MPP3: variants seen among roughly 807,000 people sequenced by gnomAD.
MPP3 encodes the protein MAGUK p55 subfamily member 3.
MPP3 carries 48 observed loss-of-function variants against 80.7 expected under a neutral mutation model. The ratio of observed to expected loss-of-function variants is 0.59; its 90% CI spans 0.47 to 0.76. The LOEUF (loss-of-function observed/expected upper bound fraction) is 0.76. Among genes scored for constraint, MPP3 ranks in the 30% least tolerant of loss-of-function variants. The pLI is 0.00. For synonymous variants in MPP3, 311 were observed against 297.6 expected, an observed-to-expected ratio of 1.04 and a Z score of -0.46; for missense variants, 620 against 763.0, an observed-to-expected ratio of 0.81 and a Z score of 2.21.
chr17:43,827,940 G>A (rs1229539476), intron 7 of MPP3, 108 bp from the exon 8 acceptor site: 13 of 1,029,962 alleles, frequency 1.3e-5, no homozygotes. Context: ...TGACAGTCCA[G>A]AGAGATCAGT....
At chr17:43,823,834 A>C (rs2045572071) in intron 10 of MPP3, 97 bp downstream of exon 10, 4 of 836,894 alleles carry the variant, frequency 4.8e-6, no homozygotes. Context: ...TCTGTTCGCA[A>C]ATGACTGTTA....
chr17:43,816,059 A>T lies in MPP3; in HGVS notation c.988T>A (p.Tyr330Asn), dbSNP rs1303707145. The T allele has an allele frequency of 6.6e-7, 1 of 1,507,736 alleles. No individual in the cohort carries two copies. Among genetic ancestry groups the T allele is most frequent in the Admixed American group, 2.6e-5 (1 of 38,040 alleles). 93.4% of individuals were successfully genotyped at this position (1,507,736 alleles called of 1,614,324 possible). A position where few individuals can be genotyped will look rare whatever the true frequency, so the allele number is the denominator to read the frequency against. The change falls in exon 14 of 20, where the codon TAC (tyrosine) becomes AAC (asparagine). Residue 330 changes from tyrosine to asparagine, a missense_variant. Coordinates refer to ENST00000398389, the MANE Select transcript of MPP3 (RefSeq NM_001932.6). ...TTACCCACATAGTGCCCTTTGAGGTAGCCCTCACAGTCACAGGTCTCTGGG... is the reference window on the plus strand; with the variant it reads ...TTACCCACATAGTGCCCTTTGAGGTTGCCCTCACAGTCACAGGTCTCTGGG... ...CDKETCDCEG[Y>N]LKGHYVAGLR... is the part of the protein sequence containing the mutation.
chr17:43,811,396 C>A lies in MPP3; in HGVS notation c.1256-191G>T, dbSNP rs955707622. On this transcript the variant is annotated intron_variant, in intron 16 of 19. Coordinates refer to ENST00000398389, the MANE Select transcript of MPP3 (RefSeq NM_001932.6). ...GGCGTATCACTGATTCACACAACAA[C>A]TCTTTGATGTAGGCAAAAGGAGGCT... 4 of 586,792 alleles carry A rather than the reference C, an allele frequency of 6.8e-6. No homozygotes were observed. The Admixed American group carries it at 1.2e-4, about 17-fold the overall frequency. 36.3% of individuals were successfully genotyped at this position (586,792 alleles called of 1,614,324 possible).
intron 19 of MPP3, among the ~76,000 whole-genome samples, chr17:43,808,471 C>T (rs1429804471): frequency 2.0e-5 from 3 of 152,220 alleles, no homozygotes; most frequent in Admixed American, 6.5e-5. Flanking sequence ...GACAGTGAAA[C>T]AGAAGTTCAT....
intron 11 of MPP3, chr17:43,819,046 G>A (rs2045293968): frequency 6.6e-6 from 1 of 152,192 alleles, no homozygotes; most frequent in African/African-American, 2.4e-5. Flanking sequence ...CGAGGAGACA[G>A]AGCTTCGTTC....
intron 2 of MPP3, 97 bp from the exon 3 acceptor site, chr17:43,832,040 G>GTT: frequency 1.3e-6 from 1 of 793,808 alleles, no homozygotes; most frequent in East Asian, 2.7e-5. Flanking sequence ...AGACCAGGCT[G>GTT]TGGACAGAGA....
intron 11 of MPP3, among the ~76,000 whole-genome samples, chr17:43,819,334 T>C (rs547550038): frequency 9.2e-5 from 14 of 152,256 alleles, no homozygotes; most frequent in Non-Finnish European, 1.6e-4. Flanking sequence ...AAGAAATAAT[T>C]TGAAACATGA....
chr17:43,828,963 C>T (rs938790570), intron 7 of MPP3, among the ~76,000 whole-genome samples: 1 of 152,152 alleles, frequency 6.6e-6, no homozygotes, highest in Non-Finnish European at 1.5e-5. Flanking sequence ...AGAGGCTCGT[C>T]GGAGGTCATT....
At chr17:43,821,199 T>A (rs1252118513) in intron 10 of MPP3, 141 bp from the exon 11 acceptor site, 5 of 714,126 alleles carry the variant, frequency 7.0e-6, no homozygotes, top group Non-Finnish European at 1.2e-5. Context: ...TACTTGGAAA[T>A]ACACTGCACG....
chr17:43,820,193 C>CCTCGG (rs2045361209), intron 11 of MPP3, among the ~76,000 whole-genome samples: 3 of 152,300 alleles, frequency 2.0e-5, no homozygotes, highest in Non-Finnish European at 1.5e-5. Context: ...GAACCTTCTG[C>CCTCGG]CTCGGCTTCC....
At chr17:43,813,126 AGT>A (rs1221293172) in intron 16 of MPP3, among the ~76,000 whole-genome samples, 1 of 152,124 alleles carries the variant, frequency 6.6e-6, no homozygotes, top group African/African-American at 2.4e-5. Flanking sequence ...GGGGACTGAG[AGT>A]GAGTCCCAGA....
chr17:43,810,081 G>A (rs190445976), intron 18 of MPP3, among the ~76,000 whole-genome samples: 83 of 152,210 alleles, frequency 5.5e-4, no homozygotes, highest in Middle Eastern at 3.4e-3. Flanking sequence ...AAGTCCAAAT[G>A]AGTGTTTTCC....
chr17:43,817,737 C>G (rs2045215767), intron 12 of MPP3, among the ~76,000 whole-genome samples: 1 of 152,180 alleles, frequency 6.6e-6, no homozygotes, highest in African/African-American at 2.4e-5. Context: ...CCTTGGGAAT[C>G]TAACGAAAGC....
rs779980525 is a variant in MPP3 at position 43,816,658 on chromosome 17, G to A, written c.967+19C>T. The A allele has an allele frequency of 2.5e-5, 39 of 1,569,244 alleles. No homozygotes were observed. In the East Asian group the frequency reaches 4.2e-4, roughly 17 times the overall value. ...AAAAGGGGCCACGCCTGTGGACAGC[G>A]GATAGATACTGGGCCTACCTTTGTC... is the stretch of plus-strand genomic sequence containing the variant. On this transcript the variant is annotated intron_variant, in intron 13 of 19. Transcript: ENST00000398389.
chr17:43,816,637 G>C (rs554448490), intron 13 of MPP3, 40 bp downstream of exon 13: 230 of 1,555,612 alleles, frequency 1.5e-4, no homozygotes, highest in Admixed American at 3.9e-4. Context: ...CCACGGAAAA[G>C]GGGCCACGCC....
intron 19 of MPP3, among the ~76,000 whole-genome samples, chr17:43,805,024 AAAAG>A (rs2154591097): frequency 6.6e-6 from 1 of 152,368 alleles, no homozygotes; most frequent in Non-Finnish European, 1.5e-5. Context: ...GTCTCAAAAA[AAAAG>A]AAAGTGAAAA....
chr17:43,807,392 G>A (rs970942650), intron 19 of MPP3, among the ~76,000 whole-genome samples: 10 of 150,898 alleles, frequency 6.6e-5, no homozygotes, highest in Non-Finnish European at 1.5e-5. Context: ...GCTCACTGCA[G>A]CCTTGACCTA....
intron 19 of MPP3, among the ~76,000 whole-genome samples, chr17:43,805,719 A>C (rs1317357563): frequency 6.6e-6 from 1 of 152,264 alleles, no homozygotes; most frequent in African/African-American, 2.4e-5. Flanking sequence ...ATCCATTTAT[A>C]TGAAATGTTT....
chr17:43,824,791 TGAGATG>T (rs2045621849), intron 9 of MPP3, among the ~76,000 whole-genome samples: 1 of 152,226 alleles, frequency 6.6e-6, no homozygotes, highest in Non-Finnish European at 1.5e-5. Context: ...TTTTGTTTTT[TGAGATG>T]GAGTTTTGCT....
Sources: allele counts gnomAD v4.1 joint callset (sites outside exome capture counted in the v4.1 genomes callset), GRCh38; gene constraint gnomAD v4.1.1; transcripts MANE v1.5; gene names NCBI Gene and HGNC (gene_info 2026-07-23, HGNC 2026-07-21).